The following ASPRV1 variants were observed in gnomAD, a reference collection of about 807,000 sequenced individuals.
ASPRV1 encodes the protein aspartic peptidase retroviral like 1.
In ASPRV1, 7 loss-of-function variants were observed where a neutral mutation model predicts 11.0. The observed-to-expected ratio is 0.64, with a 90% CI of 0.36 to 1.20. ASPRV1 has a LOEUF of 1.20. Among genes scored for constraint, ASPRV1 ranks in the 50% most tolerant of loss-of-function variants. ASPRV1 has a pLI of 0.02. For synonymous variants in ASPRV1, 136 were observed against 138.4 expected (o/e 0.98, Z 0.12); for missense variants, 299 against 320.0 (o/e 0.93, Z 0.50).
At chr2:70,023,214 G>A in the ASPRV1 span, among the ~76,000 whole-genome samples, 1 of 152,214 alleles carries the variant, frequency 6.6e-6, no homozygotes, top group African/African-American at 2.4e-5. Context: ...GAAGAAAGAT[G>A]GGGGCGAGGG....
upstream of ASPRV1, among the ~76,000 whole-genome samples, chr2:69,966,223 G>A (rs991240078): frequency 2.0e-5 from 3 of 152,192 alleles, no homozygotes; most frequent in African/African-American, 7.2e-5. Flanking sequence ...TGCCAAAACC[G>A]GTTCTCCCCT....
In ASPRV1 at chr2:69,961,111, C is replaced by A. The variant is rs1195028958; in HGVS notation, c.326G>T (p.Gly109Val). 20 of 1,613,874 alleles carry A rather than the reference C, an allele frequency of 1.2e-5. No individual in the cohort carries two copies. Among genetic ancestry groups the A allele is most frequent in the Non-Finnish European group, 1.7e-5 (20 of 1,179,966 alleles). Residue 109 changes from glycine to valine, a missense_variant, in exon 1 of 1, where the codon GGT (glycine) becomes GTT (valine). Coordinates refer to ENST00000320256, the MANE Select transcript of ASPRV1 (RefSeq NM_152792.4). ...PKEIVFANSM[G>V]KGYYLKGKIG... ...CTTCCCCTTGAGATAGTAGCCCTTACCCATGCTGTTGGCAAAGACGATCTC... is the reference window on the plus strand; with the variant it reads ...CTTCCCCTTGAGATAGTAGCCCTTAACCATGCTGTTGGCAAAGACGATCTC...
the ASPRV1 span, chr2:70,077,307 AC>A: frequency 6.6e-6 from 1 of 152,146 alleles, no homozygotes; most frequent in East Asian, 1.9e-4. Context: ...TTACCTAGCT[AC>A]CACCTCACTG....
the ASPRV1 span, among the ~76,000 whole-genome samples, chr2:69,954,751 G>A: frequency 1.3e-5 from 2 of 152,266 alleles, no homozygotes; most frequent in Admixed American, 1.3e-4. Context: ...GTCCCTGACT[G>A]CACAATGTCC....
the ASPRV1 span, chr2:69,942,861 A>G: frequency 6.6e-6 from 1 of 152,122 alleles, no homozygotes; most frequent in Non-Finnish European, 1.5e-5. Context: ...AAACTACTAC[A>G]TGTTTTAGAG....
the ASPRV1 span, among the ~76,000 whole-genome samples, chr2:70,073,746 C>A: frequency 1.3e-5 from 2 of 152,002 alleles, no homozygotes; most frequent in Non-Finnish European, 2.9e-5. Context: ...CCTTGGCAAC[C>A]AGCCTCAAAA....
At chr2:69,940,911 C>G in the ASPRV1 span, 2 of 152,678 alleles carry the variant, frequency 1.3e-5, no homozygotes, top group Non-Finnish European at 1.5e-5. Flanking sequence ...AGCCCTGATT[C>G]GCCAATTTGT....
chr2:69,995,696 G>A, the ASPRV1 span, among the ~76,000 whole-genome samples: 1 of 152,146 alleles, frequency 6.6e-6, no homozygotes, highest in East Asian at 1.9e-4. Flanking sequence ...CAGGAAGAGG[G>A]ACACAGGGCA....
the ASPRV1 span, among the ~76,000 whole-genome samples, chr2:69,948,933 G>A: frequency 6.6e-6 from 1 of 151,658 alleles, no homozygotes; most frequent in African/African-American, 2.4e-5. Flanking sequence ...GCCCCCACTT[G>A]GGGAGCCTGC....
chr2:69,952,559 A>AAAGAG, the ASPRV1 span, among the ~76,000 whole-genome samples: 1 of 151,980 alleles, frequency 6.6e-6, no homozygotes, highest in Non-Finnish European at 1.5e-5. Context: ...GAAAGGAAGA[A>AAAGAG]AAGAAAAGAA....
chr2:70,037,795 C>CA, the ASPRV1 span, among the ~76,000 whole-genome samples: 94 of 148,608 alleles, frequency 6.3e-4, no homozygotes, highest in African/African-American at 1.8e-3. Flanking sequence ...TGCCATACTT[C>CA]AAAAAAAAAA....
At chr2:69,999,425 G>A in the ASPRV1 span, among the ~76,000 whole-genome samples, 8 of 152,150 alleles carry the variant, frequency 5.3e-5, no homozygotes, top group Admixed American at 2.6e-4. Flanking sequence ...AGGCCAAGGA[G>A]GGCAGATCAC....
At chr2:70,056,837 T>G in the ASPRV1 span, among the ~76,000 whole-genome samples, 18 of 151,492 alleles carry the variant, frequency 1.2e-4, no homozygotes, top group Non-Finnish European at 2.4e-4. Flanking sequence ...TGGGTTCAAG[T>G]GTTTCTCCCG....
the ASPRV1 span, among the ~76,000 whole-genome samples, chr2:69,996,450 T>C: frequency 2.6e-5 from 4 of 152,148 alleles, no homozygotes; most frequent in African/African-American, 7.2e-5. Flanking sequence ...TCAGTCACAC[T>C]GGACACATCT....
the ASPRV1 span, among the ~76,000 whole-genome samples, chr2:70,068,691 AGGC>A: frequency 6.6e-6 from 1 of 152,020 alleles, no homozygotes; most frequent in African/African-American, 2.4e-5. Flanking sequence ...ACACTTTGGG[AGGC>A]CAAGGCGGGC....
chr2:69,994,788 G>A, the ASPRV1 span, among the ~76,000 whole-genome samples: 1 of 151,790 alleles, frequency 6.6e-6, no homozygotes, highest in South Asian at 2.1e-4. Flanking sequence ...ATGAGGTCAG[G>A]AGATCAAGAC....
chr2:70,003,447 A>T, the ASPRV1 span: 1 of 152,260 alleles, frequency 6.6e-6, no homozygotes, highest in East Asian at 1.9e-4. Context: ...AAGCAGAGGG[A>T]GCCTTTTGAA....
the ASPRV1 span, among the ~76,000 whole-genome samples, chr2:70,011,303 T>C: frequency 0.15 from 23,170 of 152,038 alleles, 2,739 homozygotes; most frequent in East Asian, 0.31. Context: ...AAGATAACTC[T>C]TGTGGTTTCC....
the ASPRV1 span, among the ~76,000 whole-genome samples, chr2:70,086,656 G>A: frequency 3.9e-5 from 6 of 152,252 alleles, no homozygotes; most frequent in African/African-American, 1.4e-4. Flanking sequence ...CTCCACAGGC[G>A]TACACTATTG....
Sources: allele counts gnomAD v4.1 joint callset (sites outside exome capture counted in the v4.1 genomes callset), GRCh38; gene constraint gnomAD v4.1.1; transcripts MANE v1.5; gene names NCBI Gene and HGNC (gene_info 2026-07-23, HGNC 2026-07-21).